SOAT2: variants seen among roughly 807,000 people sequenced by gnomAD.
SOAT2 encodes the protein ACAT-2.
Under a neutral mutation model 76.0 loss-of-function variants are expected in SOAT2, and 87 were observed. That is an observed-to-expected ratio of 1.14 (90% CI 0.96 to 1.37). The LOEUF is 1.37. Among genes scored for constraint, SOAT2 ranks in the 40% most tolerant of loss-of-function variants. The pLI is 0.00. For synonymous variants in SOAT2, 285 were observed against 275.4 expected, an observed-to-expected ratio of 1.03 and a Z score of -0.34; for missense variants, 686 against 682.1, an observed-to-expected ratio of 1.01 and a Z score of -0.06.
In SOAT2 at chr12:53,123,061, T is replaced by G; in HGVS notation, c.1237-20T>G. The G allele has an allele frequency of 6.2e-7, 1 of 1,604,808 alleles. No individual in the cohort carries two copies. The highest frequency in any genetic ancestry group is 8.5e-7 in the Non-Finnish European group (1 of 1,176,570). The stretch of plus-strand genomic sequence containing the variant: ...GAGCTCAGGGAGACTTACTCTTCAC[T>G]CCTTTCCTCACCCTGCCAGCTCCTT... On this transcript the variant is annotated intron_variant, in intron 12 of 14. Coordinates refer to ENST00000301466, the MANE Select transcript of SOAT2 (RefSeq NM_003578.4).
chr12:53,123,287 C>T lies in SOAT2; in HGVS notation c.1372+71C>T. ...GCCTGCATCCTGCTCCTGCAGATCC[C>T]AGACTGATGGTGGGAGGCCTCGCCC... On this transcript the variant is annotated intron_variant, in intron 13 of 14. Transcript: ENST00000301466. 4 of 1,589,276 alleles carry T rather than the reference C, an allele frequency of 2.5e-6. No homozygotes were observed. The South Asian group carries it at 4.4e-5, about 18-fold the overall frequency.
At position 53,106,013 on chromosome 12, in the gene SOAT2, AG is replaced by A; in HGVS notation, c.443+1del. ...TLAIDFIDEGRLLLEFDLLIF... is the reference protein window; with the variant it reads ...TLAIDFIDEGXLLLEFDLLIF... ...GGCCATCGACTTCATTGATGAGGGCAGGTAGGTCCCCTTCCCACCTGGGACA... is the reference window on the plus strand; with the variant it reads ...GGCCATCGACTTCATTGATGAGGGCAGTAGGTCCCCTTCCCACCTGGGACA... On this transcript the variant is annotated frameshift_variant and splice_region_variant, in exon 5 of 15. Transcript: ENST00000301466. LOFTEE classifies it high-confidence loss of function. The A allele has an allele frequency of 6.2e-7, 1 of 1,611,210 alleles. No individual in the cohort carries two copies. Among genetic ancestry groups the A allele is most frequent in the Non-Finnish European group, 8.5e-7 (1 of 1,177,544 alleles).
At chr12:53,119,613 C>T (rs1938159983) in intron 10 of SOAT2, among the ~76,000 whole-genome samples, 1 of 152,236 alleles carries the variant, frequency 6.6e-6, no homozygotes, top group South Asian at 2.1e-4. Context: ...GATGTGGCAT[C>T]CAAGGCTCCT....
At position 53,115,664 on chromosome 12, in the gene SOAT2, G is replaced by A. The variant is rs1409550666; in HGVS notation, c.708+10G>A. On this transcript the variant is annotated intron_variant, in intron 6 of 14. Coordinates refer to ENST00000301466, the MANE Select transcript of SOAT2 (RefSeq NM_003578.4). ...CCTGGTCTTCGAGCAGGTGAGGGCC[G>A]AGCCCTGCTGACGGACAGGAAGGAA... 2.0e-6 allele frequency: 3 copies of A among 1,502,850 alleles called. No individual in the cohort carries two copies. Among genetic ancestry groups the A allele is most frequent in the East Asian group, 2.3e-5 (1 of 43,086 alleles). 93.1% of individuals were successfully genotyped at this position (1,502,850 alleles called of 1,614,324 possible).
At chr12:53,117,915 G>A (rs764450196) in intron 7 of SOAT2, among the ~76,000 whole-genome samples, 7 of 152,174 alleles carry the variant, frequency 4.6e-5, no homozygotes, top group African/African-American at 1.2e-4. Context: ...AGCACTTGCC[G>A]TTGGAAAAAG....
In SOAT2 at chr12:53,120,848, G is replaced by C; in HGVS notation, c.1102G>C (p.Glu368Gln). The C allele has an allele frequency of 6.2e-7, 1 of 1,613,998 alleles. No homozygotes were observed. The change falls in exon 11 of 15, where the codon GAG becomes CAG. Residue 368 changes from glutamate (E) to glutamine (Q), a missense_variant. Physicochemically the swap from Glu to Gln is conservative, Grantham distance 29. Coordinates refer to ENST00000301466, the MANE Select transcript of SOAT2 (RefSeq NM_003578.4). ...CCATTGCTGGCTCAACGCCTTTGCC[G>C]AGATGCTACGATTTGGAGACAGGAT... ...FLHCWLNAFAEMLRFGDRMFY... is the reference protein window; with the variant it reads ...FLHCWLNAFAQMLRFGDRMFY...
intron 10 of SOAT2, among the ~76,000 whole-genome samples, chr12:53,119,570 A>C (rs573197390): frequency 6.7e-6 from 1 of 149,970 alleles, no homozygotes; most frequent in Non-Finnish European, 1.5e-5. Flanking sequence ...TGATAAGTCA[A>C]TGCTGGCACT....
chr12:53,107,204 A>G (rs1937949052), intron 5 of SOAT2, among the ~76,000 whole-genome samples: 1 of 152,128 alleles, frequency 6.6e-6, no homozygotes, highest in Non-Finnish European at 1.5e-5. Flanking sequence ...GGAGATGGGG[A>G]GTCGTAATCT....
chr12:53,115,500 T>C lies in SOAT2; in HGVS notation c.554T>C (p.Leu185Pro). ...ACCCTGTTGGCGCCGTACCAGGCCC[T>C]ACGGCTGTGGGCCAGGGGCACCTGG... The part of the protein sequence containing the change: ...LSTLLAPYQA[L>P]RLWARGTWTQ... Residue 185 changes from leucine (L) to proline (P), a missense_variant, in exon 6 of 15, where the codon CTA becomes CCA. Transcript: ENST00000301466. 1 of 1,609,652 alleles carries C rather than the reference T, an allele frequency of 6.2e-7. No individual in the cohort carries two copies. Among genetic ancestry groups the C allele is most frequent in the African/African-American group, 1.3e-5 (1 of 75,062 alleles).
intron 5 of SOAT2, among the ~76,000 whole-genome samples, chr12:53,113,315 A>C (rs188541808): frequency 6.6e-6 from 1 of 152,304 alleles, no homozygotes; most frequent in East Asian, 1.9e-4. Context: ...GGCTCCCGGC[A>C]TATGATCTGT....
At chr12:53,111,508 G>A (rs1036543987) in intron 5 of SOAT2, among the ~76,000 whole-genome samples, 1 of 152,130 alleles carries the variant, frequency 6.6e-6, no homozygotes, top group Non-Finnish European at 1.5e-5. Flanking sequence ...AGAAGTTAGG[G>A]TATTTTACTA....
chr12:53,105,984 C>A lies in SOAT2; in HGVS notation c.413C>A (p.Thr138Asn). 6.2e-7 allele frequency: 1 copy of A among 1,614,042 alleles called. No homozygotes were observed. Among genetic ancestry groups the A allele is most frequent in the East Asian group, 2.2e-5 (1 of 44,884 alleles). Residue 138 changes from threonine to asparagine, a missense_variant, in exon 5 of 15, where the codon ACC becomes AAC. Coordinates refer to ENST00000301466, the MANE Select transcript of SOAT2 (RefSeq NM_003578.4). ...IAGLCVFIIS[T>N]LAIDFIDEGR... ...GGCCTGTGTGTCTTCATCATCAGCA[C>A]CCTGGCCATCGACTTCATTGATGAG...
At position 53,118,337 on chromosome 12, in the gene SOAT2, C is replaced by G; in HGVS notation, c.779-13C>G. On this transcript the variant is annotated splice_polypyrimidine_tract_variant and intron_variant, in intron 7 of 14. Transcript: ENST00000301466. ...CTTGCCCTTACTAATCCACCCCTCT[C>G]ATTCCTCCCCAGGTGAGGGGATCCA... The G allele has an allele frequency of 6.3e-7, 1 of 1,598,802 alleles. No individual in the cohort carries two copies. Among genetic ancestry groups the G allele is most frequent in the Admixed American group, 1.7e-5 (1 of 59,806 alleles).
At chr12:53,112,029 G>A (rs1938019211) in intron 5 of SOAT2, among the ~76,000 whole-genome samples, 1 of 152,140 alleles carries the variant, frequency 6.6e-6, no homozygotes, top group South Asian at 2.1e-4. Flanking sequence ...TTTGTGCTCT[G>A]GGCAGATCTT....
chr12:53,118,858 T>C (rs1478448658), intron 8 of SOAT2, 32 bp from the exon 9 acceptor site: 2 of 1,612,636 alleles, frequency 1.2e-6, no homozygotes, highest in African/African-American at 2.7e-5. Context: ...CATGAAAGAA[T>C]GAGAAACATA....
At chr12:53,121,568 G>A (rs572875372) in intron 12 of SOAT2, among the ~76,000 whole-genome samples, 167 bp downstream of exon 12, 4 of 152,088 alleles carry the variant, frequency 2.6e-5, no homozygotes, top group Non-Finnish European at 5.9e-5. Flanking sequence ...AACCCAATGG[G>A]TAGAAAGTCC....
intron 5 of SOAT2, among the ~76,000 whole-genome samples, chr12:53,107,065 A>C (rs2121258901): frequency 6.6e-6 from 1 of 152,118 alleles, no homozygotes; most frequent in South Asian, 2.1e-4. Context: ...ATTTAACTTA[A>C]CCACTCAGTC....
intron 2 of SOAT2, 136 bp from the exon 3 acceptor site, chr12:53,104,971 T>A: frequency 1.2e-6 from 1 of 849,698 alleles, no homozygotes; most frequent in Non-Finnish European, 1.6e-6. Context: ...CCCCCATCCC[T>A]GCTGACCCCC....
At chr12:53,114,213 G>A (rs1363626568) in intron 5 of SOAT2, among the ~76,000 whole-genome samples, 1 of 152,020 alleles carries the variant, frequency 6.6e-6, no homozygotes, top group African/African-American at 2.4e-5. Flanking sequence ...GGATCCACAG[G>A]CTCAGCAACA....
Sources: gnomAD v4.1 joint callset for allele counts (sites outside exome capture counted in the v4.1 genomes callset) on GRCh38, gnomAD v4.1.1 for gene constraint, MANE v1.5 for transcripts, NCBI Gene and HGNC (gene_info 2026-07-23, HGNC 2026-07-21) for gene names.